SLC25A40: variants seen among roughly 807,000 people sequenced by gnomAD.
SLC25A40 encodes solute carrier family 25 member 40.
In SLC25A40, 41 loss-of-function variants were observed where a neutral mutation model predicts 46.5. That is an observed-to-expected ratio of 0.88 (90% CI 0.69 to 1.14). The LOEUF (loss-of-function observed/expected upper bound fraction) is 1.14, where lower values mean the gene tolerates loss of function less well. Among genes scored for constraint, SLC25A40 ranks in the 50% most tolerant of loss-of-function variants. The pLI is 0.00. For missense variants in SLC25A40, 386 were observed against 393.6 expected, an observed-to-expected ratio of 0.98 and a Z score of 0.16; for synonymous variants, 126 against 127.5, an observed-to-expected ratio of 0.99 and a Z score of 0.08.
intron 7 of SLC25A40, 59 bp from the exon 8 acceptor site, chr7:87,847,181 CAT>C: frequency 8.3e-7 from 1 of 1,209,586 alleles, no homozygotes; most frequent in Non-Finnish European, 1.1e-6. Context: ...TATGCAAACA[CAT>C]ATACTGTAAA....
chr7:87,854,296 A>C lies in SLC25A40; in HGVS notation c.172T>G (p.Tyr58Asp). The change falls in exon 5 of 12, where the codon TAT (tyrosine) becomes GAT (aspartate). Residue 58 changes from tyrosine (Y) to aspartate (D), a missense_variant. Coordinates refer to ENST00000341119, the MANE Select transcript of SLC25A40 (RefSeq NM_018843.4). ...AGATGATCCATGAGTCCATTACTAT[A>C]TACAAAACATTTTCCTAACAAAGAA... is the stretch of plus-strand genomic sequence containing the variant. Reference protein sequence around the residue: ...NPLPKGKCFVYSNGLMDHLCV... With the variant: ...NPLPKGKCFVDSNGLMDHLCV... 6.2e-7 allele frequency: 1 copy of C among 1,602,106 alleles called. No homozygotes were observed. The highest frequency in any genetic ancestry group is 8.5e-7 in the Non-Finnish European group (1 of 1,173,854).
chr7:87,873,464 G>C (rs1441402289), intron 1 of SLC25A40, among the ~76,000 whole-genome samples: 1 of 135,846 alleles, frequency 7.4e-6, no homozygotes, highest in Non-Finnish European at 1.5e-5. Flanking sequence ...AGGGAGTCTC[G>C]CTCTGTTGCC....
Position 87,843,931 on chromosome 7 carries a change from T to C in SLC25A40, c.632-68A>G, listed in dbSNP as rs549487709. ...AATGTGGACTTTAATAAAAGAGTTA[T>C]GAGGTTATATATTCAGGGGATAGAC... On this transcript the variant is annotated intron_variant, in intron 8 of 11. Coordinates refer to ENST00000341119, the MANE Select transcript of SLC25A40 (RefSeq NM_018843.4). The C allele has an allele frequency of 2.1e-6, 3 of 1,431,918 alleles. No individual in the cohort carries two copies. In the Admixed American group the frequency reaches 6.8e-5, roughly 33 times the overall value. The allele number at this position is 1,431,918 out of a possible 1,614,324, so 88.7% of individuals were successfully genotyped here. A position where few individuals can be genotyped will look rare whatever the true frequency, so the allele number is the denominator to read the frequency against.
chr7:87,838,405 C>G (rs1420493579), intron 10 of SLC25A40, among the ~76,000 whole-genome samples: 1 of 151,402 alleles, frequency 6.6e-6, no homozygotes, highest in Non-Finnish European at 1.5e-5. Flanking sequence ...AAGCCAAGTT[C>G]TAGTGGAACC....
At chr7:87,848,112 C>T in intron 6 of SLC25A40, 135 bp from the exon 7 acceptor site, 2 of 968,368 alleles carry the variant, frequency 2.1e-6, no homozygotes, top group Non-Finnish European at 2.9e-6. Flanking sequence ...ATAAATCAGC[C>T]TATGAGATCA....
chr7:87,841,648 A>T lies in SLC25A40; in HGVS notation c.808T>A (p.Tyr270Asn). The change falls in exon 10 of 12, where the codon TAT becomes AAT. Residue 270 changes from tyrosine (Y) to asparagine (N), a missense_variant. Transcript: ENST00000341119. The stretch of plus-strand genomic sequence containing the variant: ...TTAAACTTACTTTTATGACTTTCAT[A>T]TGTCCAAAGTTGTGTCTGCTTTTGT... ...KTQKQTQLWT[Y>N]ESHKISMPLH... 6.6e-7 allele frequency: 1 copy of T among 1,507,934 alleles called. No individual in the cohort carries two copies. Among genetic ancestry groups the T allele is most frequent in the Non-Finnish European group, 8.9e-7 (1 of 1,127,330 alleles). 93.4% of individuals were successfully genotyped at this position (1,507,934 alleles called of 1,614,324 possible).
At chr7:87,842,001 A>T in intron 9 of SLC25A40, 1 of 401,500 alleles carries the variant, frequency 2.5e-6, no homozygotes, top group Non-Finnish European at 5.0e-6. Context: ...CTCCACTACC[A>T]GCATTCACAA....
Position 87,834,959 on chromosome 7 carries a change from A to G in SLC25A40, c.*1290T>C, listed in dbSNP as rs1838236897. 1 of 151,512 alleles carries G rather than the reference A, an allele frequency of 6.6e-6. No homozygotes were observed. The highest frequency in any genetic ancestry group is 2.1e-4 in the South Asian group (1 of 4,822). 9.4% of individuals were successfully genotyped at this position (151,512 alleles called of 1,614,324 possible). A position where few individuals can be genotyped will look rare whatever the true frequency, so the allele number is the denominator to read the frequency against. Reference sequence around the variant, plus strand: ...TGGTGAAACATATAAACACTTTCCTACTATAGTACAAAATCAATTAGTTCC... The same window carrying G: ...TGGTGAAACATATAAACACTTTCCTGCTATAGTACAAAATCAATTAGTTCC... On this transcript the variant is annotated 3_prime_UTR_variant, in exon 12 of 12. Transcript: ENST00000341119.
At chr7:87,841,789 T>G (rs1374652397) in intron 9 of SLC25A40, 75 bp from the exon 10 acceptor site, 1 of 775,534 alleles carries the variant, frequency 1.3e-6, no homozygotes, top group Non-Finnish European at 1.9e-6. Context: ...TTCTTCTTAT[T>G]AGTATATTAT....
chr7:87,843,274 C>T (rs1408060393), intron 9 of SLC25A40, among the ~76,000 whole-genome samples: 1 of 152,042 alleles, frequency 6.6e-6, no homozygotes, highest in Middle Eastern at 3.4e-3. Context: ...TCCCTATTAC[C>T]CAAAAATGGT....
At position 87,836,185 on chromosome 7, in the gene SLC25A40, A is replaced by T; in HGVS notation, c.*64T>A. ...TTGTGAGAGAATAATGGTGAAAAACATTCTTGCCTAAGAGTCTCCATCTTC... is the reference window on the plus strand; with the variant it reads ...TTGTGAGAGAATAATGGTGAAAAACTTTCTTGCCTAAGAGTCTCCATCTTC... On this transcript the variant is annotated 3_prime_UTR_variant, in exon 12 of 12. Transcript: ENST00000341119. The T allele has an allele frequency of 1.1e-6, 1 of 945,506 alleles. No homozygotes were observed. The highest frequency in any genetic ancestry group is 1.6e-6 in the Non-Finnish European group (1 of 619,822). The allele number at this position is 945,506 out of a possible 1,614,324, so 58.6% of individuals were successfully genotyped here.
intron 1 of SLC25A40, among the ~76,000 whole-genome samples, chr7:87,865,457 A>G: frequency 6.6e-6 from 1 of 152,194 alleles, no homozygotes; most frequent in Non-Finnish European, 1.5e-5. Context: ...TGAATTGCAC[A>G]CCACAATTAC....
At position 87,856,514 on chromosome 7, in the gene SLC25A40, T is replaced by G. The variant is rs17149966; in HGVS notation, c.98-163A>C. On this transcript the variant is annotated intron_variant, in intron 3 of 11. Coordinates refer to ENST00000341119, the MANE Select transcript of SLC25A40 (RefSeq NM_018843.4). ...TCTTGAATGTAACATTCTAATTTTT[T>G]TGCCCTTAAATTTTGTTAATCAGTG... The G allele has an allele frequency of 5.7e-3, 4,016 of 699,046 alleles. 85 individuals carry two copies. The East Asian group carries it at 0.061, about 11-fold the overall frequency. The allele number at this position is 699,046 out of a possible 1,614,324, so 43.3% of individuals were successfully genotyped here.
chr7:87,861,935 C>T (rs1259441311), intron 1 of SLC25A40, among the ~76,000 whole-genome samples: 4 of 151,864 alleles, frequency 2.6e-5, no homozygotes, highest in Admixed American at 6.6e-5. Flanking sequence ...AAATAAGTTA[C>T]ATCAATTATC....
Position 87,847,945 on chromosome 7 carries a change from A to T in SLC25A40, c.365T>A (p.Phe122Tyr). The T allele has an allele frequency of 3.7e-6, 6 of 1,608,978 alleles. No individual in the cohort carries two copies. Among genetic ancestry groups the T allele is most frequent in the Non-Finnish European group, 5.1e-6 (6 of 1,178,286 alleles). Residue 122 changes from phenylalanine (F) to tyrosine (Y), a missense_variant, in exon 7 of 12, where the codon TTT (phenylalanine) becomes TAT (tyrosine). Physicochemically the swap from Phe to Tyr is conservative, Grantham distance 22. Coordinates refer to ENST00000341119, the MANE Select transcript of SLC25A40 (RefSeq NM_018843.4). ...VMAVPATVIY[F>Y]TCYDQLSALL... is the part of the protein sequence containing the mutation. Reference sequence around the variant, plus strand: ...AGCACTTAATTGATCATAGCAGGTAAAATAAATAACTGTGGCAGGAACTGC... The same window carrying T: ...AGCACTTAATTGATCATAGCAGGTATAATAAATAACTGTGGCAGGAACTGC...
chr7:87,851,759 G>C (rs1484631856), intron 5 of SLC25A40, among the ~76,000 whole-genome samples: 1 of 152,092 alleles, frequency 6.6e-6, no homozygotes, highest in African/African-American at 2.4e-5. Context: ...AACGCTACCC[G>C]GCAGTAACAA....
chr7:87,864,381 C>T (rs550531977), intron 1 of SLC25A40, among the ~76,000 whole-genome samples: 1 of 152,172 alleles, frequency 6.6e-6, no homozygotes, highest in African/African-American at 2.4e-5. Context: ...TTGAAATACA[C>T]AACGGATTAG....
In SLC25A40 at chr7:87,856,320, G is replaced by C. The variant is rs1838613014; in HGVS notation, c.129C>G (p.Leu43=). The change falls in exon 4 of 12, where the codon CTC becomes CTG. Residue 43 remains leucine (L), a synonymous_variant. Coordinates refer to ENST00000341119, the MANE Select transcript of SLC25A40 (RefSeq NM_018843.4). The part of the protein sequence containing the change: ...VTPLDVVKIR[L]QAQNNPLPKG... ...TGGGGAGTGGGTTGTTTTGGGCTTG[G>C]AGTCTAATTTTAACAACATCCAGGG... The C allele has an allele frequency of 6.2e-7, 1 of 1,613,252 alleles. No homozygotes were observed. Among genetic ancestry groups the C allele is most frequent in the Admixed American group, 1.7e-5 (1 of 59,988 alleles).
chr7:87,853,662 T>C (rs570543546), intron 5 of SLC25A40, among the ~76,000 whole-genome samples: 3 of 152,188 alleles, frequency 2.0e-5, no homozygotes, highest in Non-Finnish European at 2.9e-5. Context: ...AATTATGCTA[T>C]GTAAAAAATG....
Sources: gnomAD v4.1 joint callset for allele counts (sites outside exome capture counted in the v4.1 genomes callset) on GRCh38, gnomAD v4.1.1 for gene constraint, MANE v1.5 for transcripts, NCBI Gene and HGNC (gene_info 2026-07-23, HGNC 2026-07-21) for gene names.